Variants in TMCC1 observed in about 807,000 individuals in gnomAD.
TMCC1 encodes the protein transmembrane and coiled-coil domain family 1.
A neutral mutation model predicts 52.4 loss-of-function variants in TMCC1; 15 were observed. The observed-to-expected ratio is 0.29, with a 90% CI of 0.19 to 0.44. TMCC1 has a LOEUF of 0.44. Ranked by LOEUF, TMCC1 falls within the 20% of genes least tolerant of loss-of-function variation. TMCC1 has a pLI of 1.00. For missense variants in TMCC1, 503 were observed against 806.0 expected (o/e 0.62, Z 4.55); for synonymous variants, 279 against 301.9 (o/e 0.92, Z 0.79).
In TMCC1 at chr3:129,651,577, G is replaced by A; in HGVS notation, c.1866C>T (p.Phe622=). The change falls in exon 7 of 7, where the codon TTC becomes TTT. Residue 622 remains phenylalanine, a synonymous_variant. Coordinates refer to ENST00000393238, the MANE Select transcript of TMCC1 (RefSeq NM_001017395.5). The surrounding 1 kb of genome is among the most constrained non-coding windows in gnomAD (Gnocchi z 5.1). ...TAAAAACCACAAGGAATAAAGTGCT[G>A]AACGTCCTGTTGCGAGTCTTCATGA... ...VPLMKTRNRT[F]STLFLVVFIA... is the part of the protein sequence containing the mutation. 2.5e-6 allele frequency: 4 copies of A among 1,614,222 alleles called. No individual in the cohort carries two copies. The highest frequency in any genetic ancestry group is 2.5e-6 in the Non-Finnish European group (3 of 1,180,040).
At chr3:129,732,996 G>C (rs2050664069) in intron 4 of TMCC1, among the ~76,000 whole-genome samples, 1 of 152,148 alleles carries the variant, frequency 6.6e-6, no homozygotes, top group Non-Finnish European at 1.5e-5. Context: ...TGAAGCCTGA[G>C]GATATGAGAG....
At chr3:129,785,936 T>TA (rs1553869832) in intron 4 of TMCC1, among the ~76,000 whole-genome samples, 2 of 135,358 alleles carry the variant, frequency 1.5e-5, no homozygotes, top group Admixed American at 7.6e-5. Context: ...TCACCCCCTT[T>TA]TTTTTTTTTT....
intron 4 of TMCC1, among the ~76,000 whole-genome samples, chr3:129,773,391 A>C (rs2054770898): frequency 6.6e-6 from 1 of 152,210 alleles, no homozygotes; most frequent in South Asian, 2.1e-4. Flanking sequence ...AATAGAAAGC[A>C]AAGCTAGGGG....
At chr3:129,749,411 C>T (rs1040290000) in intron 4 of TMCC1, among the ~76,000 whole-genome samples, 4 of 151,696 alleles carry the variant, frequency 2.6e-5, no homozygotes, top group African/African-American at 9.7e-5. Context: ...CAAATGTTAA[C>T]AGAGGAAACA....
At chr3:129,862,544 G>A (rs1413531260) in intron 2 of TMCC1, among the ~76,000 whole-genome samples, 1 of 152,136 alleles carries the variant, frequency 6.6e-6, no homozygotes, top group African/African-American at 2.4e-5. Context: ...TAAGGGATGA[G>A]CTCAAATAGC....
chr3:129,873,553 G>A (rs563095494), intron 2 of TMCC1, among the ~76,000 whole-genome samples: 3 of 152,044 alleles, frequency 2.0e-5, no homozygotes, highest in East Asian at 3.9e-4. Context: ...GGTGGTGCAC[G>A]CCTCTAGTCC....
chr3:129,673,337 T>A (rs2088124972), intron 4 of TMCC1, among the ~76,000 whole-genome samples: 1 of 152,168 alleles, frequency 6.6e-6, no homozygotes, highest in Non-Finnish European at 1.5e-5. Context: ...TGCACAGGGT[T>A]CCAATTGTTG....
At chr3:129,699,815 T>G (rs540680233) in intron 4 of TMCC1, among the ~76,000 whole-genome samples, 16 of 152,242 alleles carry the variant, frequency 1.1e-4, no homozygotes, top group African/African-American at 3.9e-4. Context: ...CCTTGTAGTC[T>G]CAGCTACTTG....
Position 129,806,190 on chromosome 3 carries a change from C to T in TMCC1, c.576+21613G>A, listed in dbSNP as rs572460164. The stretch of plus-strand genomic sequence containing the variant: ...AAGTTTGGGAAGCATGGATTAAACG[C>T]GGAGGGTTGAACAGACTTATCTTGG... On this transcript the variant is annotated intron_variant, in intron 4 of 6. Transcript: ENST00000393238. 1.3e-4 allele frequency among the ~76,000 whole-genome samples: 20 copies of T among 152,164 alleles called. No individual in the cohort carries two copies. The East Asian group carries it at 3.1e-3, about 24-fold the overall frequency.
chr3:129,752,010 G>T (rs1350194146), intron 4 of TMCC1, among the ~76,000 whole-genome samples: 1 of 152,146 alleles, frequency 6.6e-6, no homozygotes, highest in Non-Finnish European at 1.5e-5. Flanking sequence ...TGGGTTAGAA[G>T]ATATTTATTT....
At chr3:129,764,772 T>C (rs1182260834) in intron 4 of TMCC1, among the ~76,000 whole-genome samples, 1 of 49,668 alleles carries the variant, frequency 2.0e-5, no homozygotes, top group East Asian at 9.1e-4. Flanking sequence ...TATATATATA[T>C]ATATATATAT....
At chr3:129,782,781 C>A (rs529969727) in intron 4 of TMCC1, among the ~76,000 whole-genome samples, 2 of 152,030 alleles carry the variant, frequency 1.3e-5, no homozygotes, top group South Asian at 2.1e-4. Context: ...GTATGAACTG[C>A]GGTGTGTTAT....
intron 4 of TMCC1, among the ~76,000 whole-genome samples, chr3:129,785,997 C>G (rs965555620): frequency 6.9e-6 from 1 of 144,552 alleles, no homozygotes; most frequent in Non-Finnish European, 1.5e-5. Flanking sequence ...TATAGTGGCG[C>G]GATGTTGGCT....
In TMCC1 at chr3:129,671,155, C is replaced by T. The variant is rs755783729; in HGVS notation, c.686G>A (p.Arg229His). 6 of 1,614,012 alleles carry T rather than the reference C, an allele frequency of 3.7e-6. No individual in the cohort carries two copies. Among genetic ancestry groups the T allele is most frequent in the South Asian group, 1.1e-5 (1 of 91,084 alleles). ...DSVDGTPDPQ[R>H]TKAAIAHLQQ... ...CAGGTGAGCAATGGCAGCCTTTGTG[C>T]GCTGAGGGTCTGGTGTTCCATCCAC... is the stretch of plus-strand genomic sequence containing the variant. The change falls in exon 5 of 7, where the codon CGC becomes CAC. Residue 229 changes from arginine (R) to histidine (H), a missense_variant. Physicochemically the swap from Arg to His is conservative, Grantham distance 29. Coordinates refer to ENST00000393238, the MANE Select transcript of TMCC1 (RefSeq NM_001017395.5).
chr3:129,728,484 C>T (rs1271191483), intron 4 of TMCC1, among the ~76,000 whole-genome samples: 2 of 152,148 alleles, frequency 1.3e-5, no homozygotes, highest in Non-Finnish European at 2.9e-5. Flanking sequence ...TGGGGTTTCA[C>T]CATGTTGGCC....
intron 4 of TMCC1, among the ~76,000 whole-genome samples, chr3:129,727,775 G>C (rs1473757689): frequency 6.6e-6 from 1 of 152,184 alleles, no homozygotes; most frequent in Admixed American, 6.5e-5. Flanking sequence ...GCCCCACGTA[G>C]TCTTCTTCCC....
intron 4 of TMCC1, among the ~76,000 whole-genome samples, chr3:129,721,769 G>A (rs752836887): frequency 7.3e-5 from 11 of 151,148 alleles, no homozygotes; most frequent in Non-Finnish European, 1.5e-4. Flanking sequence ...CCAGCTACTC[G>A]TGAGGCTGAG....
intron 4 of TMCC1, among the ~76,000 whole-genome samples, chr3:129,685,792 A>G (rs1205230246): frequency 6.6e-6 from 1 of 152,198 alleles, no homozygotes; most frequent in Admixed American, 6.5e-5. Context: ...TACATGTCCA[A>G]AACCAAACAT....
intron 2 of TMCC1, among the ~76,000 whole-genome samples, chr3:129,841,049 C>T (rs1195373287): frequency 5.3e-5 from 8 of 152,142 alleles, no homozygotes; most frequent in Non-Finnish European, 1.0e-4. Flanking sequence ...AAGATTTTTA[C>T]CAAAGTGCTG....
Sources: gnomAD v4.1 joint callset for allele counts (sites outside exome capture counted in the v4.1 genomes callset) on GRCh38, gnomAD v4.1.1 for gene constraint, Gnocchi (gnomAD v3.1) non-coding constraint, MANE v1.5 for transcripts, NCBI Gene and HGNC (gene_info 2026-07-23, HGNC 2026-07-21) for gene names.